The following XYLT1 variants were observed in gnomAD, a reference collection of about 807,000 sequenced individuals.
XYLT1 encodes xylosyltransferase 1, also known as beta-D-xylosyltransferase 1.
A neutral mutation model predicts 91.3 loss-of-function variants in XYLT1; 36 were observed. The observed-to-expected ratio is 0.39, with a 90% CI of 0.30 to 0.52. The LOEUF (loss-of-function observed/expected upper bound fraction) is 0.52, where lower values mean the gene tolerates loss of function less well. XYLT1 is among the 20% of genes least tolerant of loss of function. The pLI is 0.68. For missense variants in XYLT1, 1,242 were observed against 1,284.5 expected (o/e 0.97, Z 0.51); for synonymous variants, 588 against 532.0 (o/e 1.11, Z -1.45).
chr16:17,195,121 T>G (rs1200659213), intron 5 of XYLT1, among the ~76,000 whole-genome samples: 1 of 152,216 alleles, frequency 6.6e-6, no homozygotes, highest in African/African-American at 2.4e-5. Context: ...CACGAGTCAA[T>G]GTCTGGAGAC....
chr16:17,233,298 T>C (rs1446372713), intron 3 of XYLT1, among the ~76,000 whole-genome samples: 2 of 152,164 alleles, frequency 1.3e-5, no homozygotes, highest in Non-Finnish European at 2.9e-5. Context: ...CAAGTTTCAT[T>C]GCAGGCCAGG....
intron 2 of XYLT1, among the ~76,000 whole-genome samples, chr16:17,292,362 C>T (rs187102842): frequency 4.8e-4 from 73 of 152,268 alleles, no homozygotes; most frequent in Middle Eastern, 3.4e-3. Flanking sequence ...GTGTCACAGA[C>T]GAGATTCCTC....
chr16:17,171,175 T>G (rs1377490156), intron 5 of XYLT1, among the ~76,000 whole-genome samples: 1 of 152,138 alleles, frequency 6.6e-6, no homozygotes, highest in Non-Finnish European at 1.5e-5. Flanking sequence ...CTTATTATTG[T>G]TATTATTTTT....
chr16:17,338,676 G>C (rs1209848117), intron 2 of XYLT1: 1 of 364,176 alleles, frequency 2.7e-6, no homozygotes, highest in Non-Finnish European at 5.4e-6. Flanking sequence ...CTGGAGTGCA[G>C]TTAGTTCAAG....
chr16:17,391,508 CCT>C (rs751624588), intron 1 of XYLT1, among the ~76,000 whole-genome samples: 2 of 152,184 alleles, frequency 1.3e-5, no homozygotes, highest in African/African-American at 2.4e-5. Context: ...TTGCAATTCC[CCT>C]GTTTTGATAA....
intron 10 of XYLT1, among the ~76,000 whole-genome samples, chr16:17,124,584 G>A (rs572971751): frequency 6.6e-6 from 1 of 152,114 alleles, no homozygotes; most frequent in South Asian, 2.1e-4. Context: ...TATGTGCCTA[G>A]GCATGATCTT....
intron 1 of XYLT1, among the ~76,000 whole-genome samples, chr16:17,415,188 T>A (rs2036165158): frequency 6.6e-6 from 1 of 152,046 alleles, no homozygotes; most frequent in Admixed American, 6.6e-5. Context: ...GATTTCTGAC[T>A]CCAAAAACTC....
chr16:17,125,486 C>A (rs7194745), intron 10 of XYLT1, among the ~76,000 whole-genome samples: 144,747 of 152,008 alleles, frequency 0.95, 68,974 homozygotes, highest in Middle Eastern at 0.98. Context: ...CATTGGTCTC[C>A]CTGCAACTCG....
rs114444840 is a variant in XYLT1 at position 17,131,104 on chromosome 16, C to T, written c.2028-3243G>A. 2.6e-3 allele frequency among the ~76,000 whole-genome samples: 391 copies of T among 152,278 alleles called. 1 individual carries two copies. Among genetic ancestry groups the T allele is most frequent in the African/African-American group, 9.1e-3 (377 of 41,552 alleles). On this transcript the variant is annotated intron_variant, in intron 9 of 11. Coordinates refer to ENST00000261381, the MANE Select transcript of XYLT1 (RefSeq NM_022166.4). ...CCGCCTGGATCAAGGCTGAATTCTC[C>T]GTGCCTAACACACAGGCTGACACAC... is the stretch of plus-strand genomic sequence containing the variant.
chr16:17,198,378 A>G lies in XYLT1; in HGVS notation c.1123T>C (p.Ser375Pro). 3.1e-6 allele frequency: 5 copies of G among 1,614,152 alleles called. No homozygotes were observed. In the Admixed American group the frequency reaches 5.0e-5, roughly 16 times the overall value. ...NYLHRQVLQV[S>P]RQYSNVRVTP... ...ACGCGGACATTGCTGTACTGCCTGG[A>G]GACCTGGAGCACTTGCCGATGCAGG... is the stretch of plus-strand genomic sequence containing the variant. Residue 375 changes from serine (S) to proline (P), a missense_variant, in exon 5 of 12, where the codon TCC becomes CCC. Transcript: ENST00000261381.
intron 1 of XYLT1, among the ~76,000 whole-genome samples, chr16:17,447,174 A>G (rs10852389): frequency 0.35 from 53,683 of 152,066 alleles, 11,076 homozygotes; most frequent in African/African-American, 0.55. Context: ...CTCTAAACCA[A>G]GCGGCCTGCT....
At chr16:17,301,634 C>T (rs2034396187) in intron 2 of XYLT1, among the ~76,000 whole-genome samples, 1 of 152,128 alleles carries the variant, frequency 6.6e-6, no homozygotes, top group Non-Finnish European at 1.5e-5. Flanking sequence ...GTGACATTTA[C>T]CTTGCAATGT....
At chr16:17,416,332 C>T (rs1567195613) in intron 1 of XYLT1, among the ~76,000 whole-genome samples, 2 of 152,202 alleles carry the variant, frequency 1.3e-5, no homozygotes, top group Admixed American at 1.3e-4. Flanking sequence ...GGCCTTGCCA[C>T]GACCTCATTA....
At chr16:17,317,489 T>A (rs1007907858) in intron 2 of XYLT1, among the ~76,000 whole-genome samples, 14 of 150,670 alleles carry the variant, frequency 9.3e-5, no homozygotes, top group African/African-American at 2.9e-4. Context: ...AAAACTTAGC[T>A]GGGTATGGTA....
intron 2 of XYLT1, among the ~76,000 whole-genome samples, chr16:17,339,157 C>A (rs1360185649): frequency 1.3e-5 from 2 of 152,138 alleles, no homozygotes; most frequent in African/African-American, 4.8e-5. Flanking sequence ...CCATCTAGCC[C>A]AGAGTCATTT....
intron 1 of XYLT1, among the ~76,000 whole-genome samples, chr16:17,362,933 C>T (rs920683662): frequency 4.6e-5 from 7 of 152,190 alleles, no homozygotes; most frequent in Admixed American, 2.0e-4. Context: ...CTTCCACAGA[C>T]GCTCCCAGGG....
intron 3 of XYLT1, among the ~76,000 whole-genome samples, chr16:17,241,180 T>C (rs1348027544): frequency 6.6e-6 from 1 of 152,252 alleles, no homozygotes; most frequent in Non-Finnish European, 1.5e-5. Flanking sequence ...GTCCTCCCCA[T>C]AGAGCCTTTT....
rs548038349 is a variant in XYLT1 at position 17,161,101 on chromosome 16, C to T, written c.1290-2192G>A. Among the ~76,000 whole-genome samples, 10 of 152,302 alleles carry T rather than the reference C, an allele frequency of 6.6e-5. No individual in the cohort carries two copies. The South Asian group carries it at 1.5e-3, about 22-fold the overall frequency. On this transcript the variant is annotated intron_variant, in intron 5 of 11. Coordinates refer to ENST00000261381, the MANE Select transcript of XYLT1 (RefSeq NM_022166.4). ...CTCCTGGGCCCCCTTCTCGTGAAGC[C>T]TCAGGTCTCCCAGGGTCAGCGGCTG...
intron 1 of XYLT1, among the ~76,000 whole-genome samples, chr16:17,458,012 G>A (rs55794056): frequency 1.3e-5 from 2 of 152,176 alleles, no homozygotes; most frequent in African/African-American, 4.8e-5. Context: ...GATCCATCTA[G>A]TCTGGTTTTA....
Sources: gnomAD v4.1 joint callset for allele counts (sites outside exome capture counted in the v4.1 genomes callset) on GRCh38, gnomAD v4.1.1 for gene constraint, MANE v1.5 for transcripts, NCBI Gene and HGNC (gene_info 2026-07-23, HGNC 2026-07-21) for gene names.